The following SEMA3A variants were observed in gnomAD, a reference collection of about 807,000 sequenced individuals.
SEMA3A encodes the protein semaphorin 3A.
A neutral mutation model predicts 97.9 loss-of-function variants in SEMA3A; 29 were observed. The ratio of observed to expected loss-of-function variants is 0.30; its 90% confidence interval spans 0.22 to 0.40. The LOEUF is 0.40. Among genes scored for constraint, SEMA3A ranks in the 10% least tolerant of loss-of-function variants. The pLI, the probability that SEMA3A is intolerant of heterozygous loss-of-function variation, is 1.00. For missense variants in SEMA3A, 763 were observed against 951.3 expected, an observed-to-expected ratio of 0.80 and a Z score of 2.60; for synonymous variants, 321 against 323.7, an observed-to-expected ratio of 0.99 and a Z score of 0.09.
At chr7:84,380,215 G>A (rs1803222141) in intron 1 of SEMA3A, among the ~76,000 whole-genome samples, 1 of 152,144 alleles carries the variant, frequency 6.6e-6, no homozygotes, top group African/African-American at 2.4e-5. Flanking sequence ...CTGGATTCAA[G>A]AAAAGAGATT....
At chr7:84,216,531 T>C (rs886221741) in intron 3 of SEMA3A, among the ~76,000 whole-genome samples, 2 of 152,178 alleles carry the variant, frequency 1.3e-5, no homozygotes, top group African/African-American at 2.4e-5. Flanking sequence ...TGAATTTTAC[T>C]GATATTTTTT....
chr7:84,168,060 G>C lies in SEMA3A; in HGVS notation c.112+26415C>G, dbSNP rs574393825. Reference sequence around the variant, plus strand: ...AAACCATATCTCACTCAGTAAGTGAGGTATTACCTATGAAGAAATAAGGCA... The same window carrying C: ...AAACCATATCTCACTCAGTAAGTGACGTATTACCTATGAAGAAATAAGGCA... On this transcript the variant is annotated intron_variant, in intron 1 of 16. Transcript: ENST00000265362. Among the ~76,000 whole-genome samples the C allele has an allele frequency of 1.4e-4, 21 of 152,060 alleles. No homozygotes were observed. In the South Asian group the frequency reaches 4.4e-3, roughly 32 times the overall value.
chr7:84,465,243 G>A (rs1033281275), intron 1 of SEMA3A, among the ~76,000 whole-genome samples: 3 of 152,098 alleles, frequency 2.0e-5, no homozygotes, highest in African/African-American at 7.2e-5. Context: ...TATTCTGTGG[G>A]AATAGCAGGA....
chr7:84,429,515 G>A (rs1417092892), intron 1 of SEMA3A, among the ~76,000 whole-genome samples: 3 of 35,752 alleles, frequency 8.4e-5, no homozygotes, highest in African/African-American at 6.6e-4. Context: ...TATAGAGTTT[G>A]TTATATATAT....
intron 12 of SEMA3A, among the ~76,000 whole-genome samples, chr7:83,989,999 T>C (rs1172804905): frequency 6.6e-6 from 1 of 152,024 alleles, no homozygotes; most frequent in African/African-American, 2.4e-5. Flanking sequence ...GACTTTTTAA[T>C]GATTGTCATT....
At chr7:84,426,456 C>A (rs1367105728) in intron 1 of SEMA3A, among the ~76,000 whole-genome samples, 1 of 152,042 alleles carries the variant, frequency 6.6e-6, no homozygotes, top group African/African-American at 2.4e-5. Flanking sequence ...GAGAATGTAA[C>A]AGAATGAAAC....
intron 1 of SEMA3A, among the ~76,000 whole-genome samples, chr7:84,451,074 C>T (rs900413640): frequency 1.3e-5 from 2 of 152,180 alleles, no homozygotes; most frequent in South Asian, 2.1e-4. Context: ...GCCAAGAAAT[C>T]ACTGCCCATA....
Position 84,346,710 on chromosome 7 carries a change from T to C in SEMA3A, c.-169+25114A>G, listed in dbSNP as rs190124259. ...CTACAATAGTAACATCAAAGATTACTGATCACAGATCAACAAAACAACTAT... is the reference window on the plus strand; with the variant it reads ...CTACAATAGTAACATCAAAGATTACCGATCACAGATCAACAAAACAACTAT... On this transcript the variant is annotated intron_variant, in intron 2 of 3. Coordinates refer to the SEMA3A transcript ENST00000424555. Among the ~76,000 whole-genome samples, 274 of 152,308 alleles carry C rather than the reference T, an allele frequency of 1.8e-3. 1 individual carries two copies. The highest frequency in any genetic ancestry group is 6.3e-3 in the African/African-American group (261 of 41,568).
At chr7:84,388,543 T>G (rs1472184115) in intron 1 of SEMA3A, among the ~76,000 whole-genome samples, 1 of 152,062 alleles carries the variant, frequency 6.6e-6, no homozygotes, top group Non-Finnish European at 1.5e-5. Context: ...ATACTTTCTA[T>G]ATTTCCAGAC....
At chr7:84,417,274 A>G (rs925796267) in intron 1 of SEMA3A, among the ~76,000 whole-genome samples, 5 of 152,114 alleles carry the variant, frequency 3.3e-5, no homozygotes, top group South Asian at 4.1e-4. Context: ...AGAAAGCTAC[A>G]GTGTTGTTTG....
At chr7:83,980,639 T>TAC (rs68037473) in intron 14 of SEMA3A, among the ~76,000 whole-genome samples, 36 of 88,446 alleles carry the variant, frequency 4.1e-4, no homozygotes, top group Middle Eastern at 7.6e-3. Flanking sequence ...TATATATATA[T>TAC]ACACACACAC....
intron 3 of SEMA3A, among the ~76,000 whole-genome samples, chr7:84,225,079 A>G (rs1340220346): frequency 6.6e-6 from 1 of 152,102 alleles, no homozygotes; most frequent in African/African-American, 2.4e-5. Context: ...ACTTTAAAAT[A>G]GTATTTTTGT....
At chr7:83,986,843 A>G (rs867923847) in intron 12 of SEMA3A, among the ~76,000 whole-genome samples, 1 of 131,470 alleles carries the variant, frequency 7.6e-6, no homozygotes, top group East Asian at 1.9e-4. Flanking sequence ...TGAAAGTTAG[A>G]TGGTACCTCT....
intron 3 of SEMA3A, among the ~76,000 whole-genome samples, chr7:84,259,173 A>G (rs1799785676): frequency 6.6e-6 from 1 of 152,224 alleles, no homozygotes. Context: ...AAACTAATCA[A>G]TAATAATTTC....
chr7:84,046,173 A>C, intron 6 of SEMA3A, 151 bp downstream of exon 6: 2 of 762,444 alleles, frequency 2.6e-6, no homozygotes, highest in Non-Finnish European at 4.0e-6. Context: ...TCTTTGCCGA[A>C]CTTTCTCACA....
intron 1 of SEMA3A, among the ~76,000 whole-genome samples, chr7:84,179,420 T>C (rs1224653976): frequency 1.3e-5 from 2 of 152,162 alleles, no homozygotes; most frequent in Non-Finnish European, 2.9e-5. Flanking sequence ...CCATTCTCCA[T>C]TTTTTTCTTG....
At chr7:84,048,370 A>G (rs969066001) in intron 5 of SEMA3A, among the ~76,000 whole-genome samples, 1 of 151,972 alleles carries the variant, frequency 6.6e-6, no homozygotes, top group Non-Finnish European at 1.5e-5. Flanking sequence ...ATAAATGCCT[A>G]TTGTCTCCTT....
At chr7:84,408,985 G>A (rs1804186467) in intron 1 of SEMA3A, among the ~76,000 whole-genome samples, 1 of 151,370 alleles carries the variant, frequency 6.6e-6, no homozygotes. Flanking sequence ...CATGGCACAT[G>A]TATACATATG....
chr7:84,404,497 C>A (rs1178485728), intron 1 of SEMA3A, among the ~76,000 whole-genome samples: 50 of 152,240 alleles, frequency 3.3e-4, no homozygotes, highest in Admixed American at 3.3e-3. Flanking sequence ...AGAACTTCCC[C>A]AATCTAGCAA....
Sources: gnomAD v4.1 joint callset for allele counts (sites outside exome capture counted in the v4.1 genomes callset) on GRCh38, gnomAD v4.1.1 for gene constraint, MANE v1.5 for transcripts, NCBI Gene and HGNC (gene_info 2026-07-23, HGNC 2026-07-21) for gene names.